ZSCAN10: variants seen among roughly 807,000 people sequenced by gnomAD.
ZSCAN10 encodes the protein zinc finger and SCAN domain containing 10.
A neutral mutation model predicts 63.7 loss-of-function variants in ZSCAN10; 52 were observed. That is an observed-to-expected ratio of 0.82 (90% CI 0.65 to 1.03). The LOEUF (loss-of-function observed/expected upper bound fraction) is 1.03, where lower values mean the gene tolerates loss of function less well. Among genes scored for constraint, ZSCAN10 ranks in the 50% least tolerant of loss-of-function variants. The pLI is 0.00. For synonymous variants in ZSCAN10, 544 were observed against 479.6 expected (o/e 1.13, Z -1.76); for missense variants, 1,223 against 1,103.8 (o/e 1.11, Z -1.53).
chr16:3,094,480 G>A (rs1957129987), intron 1 of ZSCAN10, among the ~76,000 whole-genome samples: 1 of 152,064 alleles, frequency 6.6e-6, no homozygotes, highest in Admixed American at 6.6e-5. Flanking sequence ...TGAGTAGCTG[G>A]GATTACAAGC....
rs1216400918 is a variant in ZSCAN10, at chr16:3,088,934, T to A, written c.*157A>T. On this transcript the variant is annotated 3_prime_UTR_variant, in exon 6 of 6. Coordinates refer to ENST00000576985, the MANE Select transcript of ZSCAN10 (RefSeq NM_032805.3). ...ACTTCGGGCGTTTTAATTACATAGC[T>A]GAGGCCAGAAAGCAATGCCTCGGCC... The A allele has an allele frequency of 2.3e-6, 3 of 1,329,868 alleles. No homozygotes were observed. Among genetic ancestry groups the A allele is most frequent in the Non-Finnish European group, 2.9e-6 (3 of 1,034,582 alleles). 82.4% of individuals were successfully genotyped at this position (1,329,868 alleles called of 1,614,324 possible). A position where few individuals can be genotyped will look rare whatever the true frequency, so the allele number is the denominator to read the frequency against.
rs1208174867 is a variant in ZSCAN10 at position 3,092,339 on chromosome 16, A to G, written c.397-23T>C. On this transcript the variant is annotated intron_variant, in intron 2 of 5. Coordinates refer to ENST00000576985, the MANE Select transcript of ZSCAN10 (RefSeq NM_032805.3). ...ATCCTGTTCAAAACACATTCAAGTT[A>G]AGTGACTCCCGGGGTGGCAACCTGT... 2.5e-6 allele frequency: 4 copies of G among 1,574,096 alleles called. No homozygotes were observed. The African/African-American group carries it at 4.0e-5, about 16-fold the overall frequency.
chr16:3,090,193 CG>C lies in ZSCAN10; in HGVS notation c.1240del (p.Arg414AlafsTer6). The C allele has an allele frequency of 6.2e-7, 1 of 1,605,132 alleles. No individual in the cohort carries two copies. On this transcript the variant is annotated frameshift_variant, in exon 6 of 6. Transcript: ENST00000576985. LOFTEE classifies it high-confidence loss of function. ...HACHLCGHRFRQSSHLSKHLL... is the reference protein window; with the variant it reads ...HACHLCGHRFXQSSHLSKHLL... ...GTGCTTGCTCAGGTGCGAGCTCTGG[CG>C]GAAGCGGTGGCCGCACAGGTGGCAG...
rs748510683 is a variant in ZSCAN10 at position 3,092,840 on chromosome 16, C to T, written c.98G>A (p.Arg33Gln). ...CTCGGGCCTCAGCCTGGACTCTGGT[C>T]GCCTGGGGTCCTCTGGGCTGACAGC... ...EEAVSPEDPR[R>Q]PESRLRPEVA... The change falls in exon 2 of 6, where the codon CGA becomes CAA. Residue 33 changes from arginine to glutamine, a missense_variant. Transcript: ENST00000576985. 7 of 1,480,032 alleles carry T rather than the reference C, an allele frequency of 4.7e-6. No individual in the cohort carries two copies. The highest frequency in any genetic ancestry group is 4.2e-5 in the African/African-American group (3 of 70,846). The allele number at this position is 1,480,032 out of a possible 1,614,324, so 91.7% of individuals were successfully genotyped here. A position where few individuals can be genotyped will look rare whatever the true frequency, so the allele number is the denominator to read the frequency against.
In ZSCAN10 at chr16:3,090,143, C is replaced by A; in HGVS notation, c.1291G>T (p.Ala431Ser). The A allele has an allele frequency of 2.5e-6, 4 of 1,600,016 alleles. No individual in the cohort carries two copies. The highest frequency in any genetic ancestry group is 3.4e-6 in the Non-Finnish European group (4 of 1,176,700). ...CGGCCGCACTCTGCGCACAGGAAGG[C>A]GGGTTCGGAGGAGTGGGTCAGCAGG... is the stretch of plus-strand genomic sequence containing the variant. ...KHLLTHSSEP[A>S]FLCAECGRGF... Residue 431 changes from alanine to serine, a missense_variant, in exon 6 of 6, where the codon GCC becomes TCC. Ala to Ser is a moderately conservative substitution (Grantham distance 99). Coordinates refer to ENST00000576985, the MANE Select transcript of ZSCAN10 (RefSeq NM_032805.3).
In ZSCAN10 at chr16:3,089,313, C is replaced by T. The variant is rs1281725335; in HGVS notation, c.2121G>A (p.Arg707=). The change falls in exon 6 of 6, where the codon CGG becomes CGA. Residue 707 remains arginine (R), a synonymous_variant. Transcript: ENST00000576985. ...RSFRRNAHLR[R]HLATHAEPGQ... is the part of the protein sequence containing the mutation. ...CGGGCTCCGCATGGGTAGCCAGGTG[C>T]CGCCGCAGATGCGCGTTGCGCCGGA... 6.4e-7 allele frequency: 1 copy of T among 1,573,110 alleles called. No individual in the cohort carries two copies. Among genetic ancestry groups the T allele is most frequent in the Admixed American group, 1.8e-5 (1 of 56,374 alleles).
At chr16:3,090,766 A>C in intron 5 of ZSCAN10, 120 bp from the exon 6 acceptor site, 1 of 1,225,498 alleles carries the variant, frequency 8.2e-7, no homozygotes, top group East Asian at 2.7e-5. Flanking sequence ...TGGTAGGTAA[A>C]AGGCCGGGCA....
chr16:3,095,098 G>T (rs979072051), intron 1 of ZSCAN10, among the ~76,000 whole-genome samples: 1 of 152,130 alleles, frequency 6.6e-6, no homozygotes, highest in East Asian at 1.9e-4. Flanking sequence ...AAAATGAAAG[G>T]TTAGCGGGGC....
In ZSCAN10 at chr16:3,089,082, C is replaced by T. The variant is rs757116832; in HGVS notation, c.*9G>A. ...GGCGCAGGGCGCGGCTGGCGGAAGG[C>T]GGGCCAAGCTAGTACAGCGTCTCGC... On this transcript the variant is annotated 3_prime_UTR_variant, in exon 6 of 6. Transcript: ENST00000576985. 3.4e-6 allele frequency: 5 copies of T among 1,474,168 alleles called. No individual in the cohort carries two copies. The highest frequency in any genetic ancestry group is 2.5e-5 in the East Asian group (1 of 39,724). The allele number at this position is 1,474,168 out of a possible 1,614,324, so 91.3% of individuals were successfully genotyped here.
chr16:3,090,351 G>C lies in ZSCAN10; in HGVS notation c.1083C>G (p.Arg361=), dbSNP rs755427979. ...GCGAGCGCAGCTGGTGCGCCTTCAG[G>C]CGAGACAGCTGCGGGAAGCTCACCC... ...DCGVSFPQLS[R]LKAHQLRSHP... Residue 361 remains arginine (R), a synonymous_variant, in exon 6 of 6, where the codon CGC becomes CGG. Transcript: ENST00000576985. 29 of 1,611,826 alleles carry C rather than the reference G, an allele frequency of 1.8e-5. 1 individual carries two copies. The South Asian group carries it at 2.3e-4, about 13-fold the overall frequency.
chr16:3,090,370 C>G lies in ZSCAN10; in HGVS notation c.1064G>C (p.Ser355Thr). The change falls in exon 6 of 6, where the codon AGC becomes ACC. Residue 355 changes from serine (S) to threonine (T), a missense_variant. By Grantham distance (58) the Ser-to-Thr change is moderately conservative. Coordinates refer to ENST00000576985, the MANE Select transcript of ZSCAN10 (RefSeq NM_032805.3). The stretch of plus-strand genomic sequence containing the variant: ...CTTCAGGCGAGACAGCTGCGGGAAG[C>G]TCACCCCGCAGTCCGCGCAGATGAA... ...LQFICADCGVSFPQLSRLKAH... is the reference protein window; with the variant it reads ...LQFICADCGVTFPQLSRLKAH... 3 of 1,612,922 alleles carry G rather than the reference C, an allele frequency of 1.9e-6. No individual in the cohort carries two copies. Among genetic ancestry groups the G allele is most frequent in the South Asian group, 1.1e-5 (1 of 91,062 alleles).
At position 3,090,432 on chromosome 16, in the gene ZSCAN10, C is replaced by G. The variant is rs1241855338; in HGVS notation, c.1002G>C (p.Val334=). The G allele has an allele frequency of 1.2e-6, 2 of 1,613,910 alleles. No individual in the cohort carries two copies. The highest frequency in any genetic ancestry group is 2.2e-5 in the South Asian group (2 of 91,078). The change falls in exon 6 of 6, where the codon GTG becomes GTC. Residue 334 remains valine, a synonymous_variant. Transcript: ENST00000576985. ...GATTGGGCTCGGGGACGCCCTCAGCCACTTTGACCTCCAAAATTTCACTGC... is the reference window on the plus strand; with the variant it reads ...GATTGGGCTCGGGGACGCCCTCAGCGACTTTGACCTCCAAAATTTCACTGC... ...LGSSEILEVK[V]AEGVPEPNPE...
At position 3,092,537 on chromosome 16, in the gene ZSCAN10, C is replaced by T; in HGVS notation, c.396+5G>A. On this transcript the variant is annotated splice_donor_5th_base_variant and intron_variant, in intron 2 of 5. Coordinates refer to ENST00000576985, the MANE Select transcript of ZSCAN10 (RefSeq NM_032805.3). ...GCTGCTCAGCCCGCTGCCCCACCCT[C>T]TCACCAGCGGCCCCGCGTGGCTGGG... The T allele has an allele frequency of 6.6e-7, 1 of 1,508,370 alleles. No homozygotes were observed. Among genetic ancestry groups the T allele is most frequent in the Non-Finnish European group, 8.9e-7 (1 of 1,129,694 alleles). 93.4% of individuals were successfully genotyped at this position (1,508,370 alleles called of 1,614,324 possible).
Position 3,093,227 on chromosome 16 carries a change from T to G in ZSCAN10, c.-67-223A>C, listed in dbSNP as rs1035299169. Reference sequence around the variant, plus strand: ...GTATTATCATCCCTCCTTAAAGCATTTAGAGATTTACATCACTTGGCCGGG... The same window carrying G: ...GTATTATCATCCCTCCTTAAAGCATGTAGAGATTTACATCACTTGGCCGGG... On this transcript the variant is annotated intron_variant, in intron 1 of 5. Transcript: ENST00000576985. The G allele has an allele frequency of 4.7e-5, 13 of 277,166 alleles. No individual in the cohort carries two copies. In the Admixed American group the frequency reaches 5.7e-4, roughly 12 times the overall value. The allele number at this position is 277,166 out of a possible 1,614,324, so 17.2% of individuals were successfully genotyped here. A position where few individuals can be genotyped will look rare whatever the true frequency, so the allele number is the denominator to read the frequency against.
chr16:3,091,874 C>G, intron 3 of ZSCAN10, 46 bp from the exon 4 acceptor site: 1 of 1,583,254 alleles, frequency 6.3e-7, no homozygotes, highest in Non-Finnish European at 8.6e-7. Context: ...TAGAAGGCAG[C>G]CCTGCCTGCC....
rs369655613 is a variant in ZSCAN10, at chr16:3,092,671, C to T, written c.267G>A (p.Leu89=). 1.2e-5 allele frequency: 20 copies of T among 1,613,386 alleles called. No homozygotes were observed. The African/African-American group carries it at 1.9e-4, about 15-fold the overall frequency. Residue 89 remains leucine (L), a synonymous_variant, in exon 2 of 6, where the codon CTG becomes CTA. Transcript: ENST00000576985. ...TKKQILELLV[L]EQFLSVLPPH... is the part of the protein sequence containing the mutation. ...GAGGCAGCACACTCAGGAACTGCTC[C>T]AGCACCAGCAGCTCCAGGATCTGTT...
At position 3,092,199 on chromosome 16, in the gene ZSCAN10, G is replaced by C; in HGVS notation, c.514C>G (p.Pro172Ala). 1.2e-6 allele frequency: 2 copies of C among 1,612,576 alleles called. No homozygotes were observed. The highest frequency in any genetic ancestry group is 1.7e-6 in the Non-Finnish European group (2 of 1,180,016). Reference protein sequence around the residue: ...SPKKELPAEEPSVLGPSDEPP... With the variant: ...SPKKELPAEEASVLGPSDEPP... The stretch of plus-strand genomic sequence containing the variant: ...TCATCCGATGGGCCCAGCACTGAAG[G>C]CTCTTCCGCAGGCAATTCCTTCTTG... The change falls in exon 3 of 6, where the codon CCT (proline) becomes GCT (alanine). Residue 172 changes from proline (P) to alanine (A), a missense_variant. Pro to Ala is a conservative substitution (Grantham distance 27). Coordinates refer to ENST00000576985, the MANE Select transcript of ZSCAN10 (RefSeq NM_032805.3).
In ZSCAN10 at chr16:3,089,378, C is replaced by T. The variant is rs567279199; in HGVS notation, c.2056G>A (p.Gly686Ser). ...GTCTGACAGCTGTAGGGCCGCTCGCCCGTGTGGCTGCGGCGATGGCGGGCC... is the reference window on the plus strand; with the variant it reads ...GTCTGACAGCTGTAGGGCCGCTCGCTCGTGTGGCTGCGGCGATGGCGGGCC... The part of the protein sequence containing the change: ...NLARHRRSHT[G>S]ERPYSCQTCG... Residue 686 changes from glycine (G) to serine (S), a missense_variant, in exon 6 of 6, where the codon GGC becomes AGC. Physicochemically the swap from Gly to Ser is moderately conservative, Grantham distance 56 (BLOSUM62 0). Transcript: ENST00000576985. 1.9e-6 allele frequency: 3 copies of T among 1,602,772 alleles called. No homozygotes were observed. In the Admixed American group the frequency reaches 5.0e-5, roughly 27 times the overall value.
chr16:3,090,532 C>T lies in ZSCAN10; in HGVS notation c.902G>A (p.Gly301Glu). 1 of 1,612,692 alleles carries T rather than the reference C, an allele frequency of 6.2e-7. No individual in the cohort carries two copies. The highest frequency in any genetic ancestry group is 8.5e-7 in the Non-Finnish European group (1 of 1,179,322). ...ESQADSPGVP[G>E]EPCAQSLGRG... is the part of the protein sequence containing the mutation. The stretch of plus-strand genomic sequence containing the variant: ...TCCGAGCGACTGGGCGCAAGGCTCT[C>T]CCGGCACCCCAGGACTATCTGCCTG... The change falls in exon 6 of 6, where the codon GGA (glycine) becomes GAA (glutamate). Residue 301 changes from glycine to glutamate, a missense_variant. Transcript: ENST00000576985.
Sources: gnomAD v4.1 joint callset for allele counts (sites outside exome capture counted in the v4.1 genomes callset) on GRCh38, gnomAD v4.1.1 for gene constraint, MANE v1.5 for transcripts, NCBI Gene and HGNC (gene_info 2026-07-23, HGNC 2026-07-21) for gene names.